Variants in WNT2B observed in about 807,000 individuals in gnomAD.
WNT2B encodes the protein protein Wnt-2b.
WNT2B carries 19 observed loss-of-function variants against 40.5 expected under a neutral mutation model. The observed-to-expected ratio is 0.47, with a 90% CI of 0.33 to 0.69. The LOEUF is 0.69. WNT2B is among the 30% of genes least tolerant of loss of function. The pLI is 0.02. For missense variants in WNT2B, 467 were observed against 556.4 expected, an observed-to-expected ratio of 0.84 and a Z score of 1.62; for synonymous variants, 220 against 211.9, an observed-to-expected ratio of 1.04 and a Z score of -0.33.
At chr1:112,469,078 A>T (rs924436039) in intron 1 of WNT2B, among the ~76,000 whole-genome samples, 9 of 152,078 alleles carry the variant, frequency 5.9e-5, no homozygotes, top group African/African-American at 1.9e-4. Flanking sequence ...TCCCCATTGT[A>T]TGTCCTTGGT....
chr1:112,507,729 G>T (rs1652158586), upstream of WNT2B, among the ~76,000 whole-genome samples: 1 of 152,224 alleles, frequency 6.6e-6, no homozygotes, highest in African/African-American at 2.4e-5. Flanking sequence ...GCAGTTACTA[G>T]TAAGTTGTTT....
chr1:112,477,790 T>A (rs74112726), intron 1 of WNT2B, among the ~76,000 whole-genome samples: 4,507 of 151,724 alleles, frequency 0.03, 225 homozygotes, highest in African/African-American at 0.1. Context: ...AAAATAATTT[T>A]AAAAAAAAAT....
In WNT2B at chr1:112,521,326, T is replaced by TTTTTTTTTTTTTTTTC. The variant is rs1652868582; in HGVS notation, c.*822_*823insTTTTTTTTTTCTTTTT. 6.6e-6 allele frequency: 1 copy of TTTTTTTTTTTTTTTTC among 150,982 alleles called. No homozygotes were observed. The highest frequency in any genetic ancestry group is 2.4e-5 in the African/African-American group (1 of 40,962). The allele number at this position is 150,982 out of a possible 1,614,324, so 9.4% of individuals were successfully genotyped here. A position where few individuals can be genotyped will look rare whatever the true frequency, so the allele number is the denominator to read the frequency against. ...CTTGTGTTGCCTTTTTTTTTTTTTT[T>TTTTTTTTTTTTTTTTC]TTTTTCTTTTCTTTTCTTCTCTTCC... On this transcript the variant is annotated 3_prime_UTR_variant, in exon 5 of 5. Transcript: ENST00000369684.
intron 1 of WNT2B, among the ~76,000 whole-genome samples, chr1:112,489,248 A>C (rs1015768870): frequency 5.3e-5 from 8 of 151,428 alleles, no homozygotes; most frequent in African/African-American, 1.7e-4. Context: ...TTAACATGAG[A>C]GTGTAAAAAA....
At chr1:112,502,933 GGGA>G (rs1425241810) in intron 1 of WNT2B, among the ~76,000 whole-genome samples, 7 of 152,150 alleles carry the variant, frequency 4.6e-5, no homozygotes, top group Admixed American at 4.6e-4. Context: ...GAGTGACAAA[GGGA>G]GGAGAACTTT....
chr1:112,471,746 A>C (rs997612474), intron 1 of WNT2B, among the ~76,000 whole-genome samples: 11 of 152,352 alleles, frequency 7.2e-5, no homozygotes, highest in Admixed American at 2.0e-4. Flanking sequence ...CTAAAAGTAA[A>C]GTGGGAAGCA....
At position 112,499,753 on chromosome 1, in the gene WNT2B, G is replaced by T. The variant is rs546068817; in HGVS notation, c.-94-15121G>T. On this transcript the variant is annotated intron_variant, in intron 1 of 4. Transcript: ENST00000256640. ...TGGAAACTCAGGTTGCTATGCAGGGGTGAAGGTATTTCATCAGAAAGAAAA... is the reference window on the plus strand; with the variant it reads ...TGGAAACTCAGGTTGCTATGCAGGGTTGAAGGTATTTCATCAGAAAGAAAA... Among the ~76,000 whole-genome samples the T allele has an allele frequency of 4.6e-5, 7 of 152,330 alleles. No individual in the cohort carries two copies. The South Asian group carries it at 1.4e-3, about 32-fold the overall frequency.
chr1:112,513,836 AAG>A (rs1652437500), intron 1 of WNT2B, among the ~76,000 whole-genome samples: 1 of 152,184 alleles, frequency 6.6e-6, no homozygotes, highest in Admixed American at 6.5e-5. Flanking sequence ...AAGGGAGAGA[AAG>A]AGAATGACAA....
At position 112,516,405 on chromosome 1, in the gene WNT2B, C is replaced by G; in HGVS notation, c.669C>G (p.Arg223=). Residue 223 remains arginine, a synonymous_variant, in exon 3 of 5, where the codon CGC becomes CGG. Transcript: ENST00000369684. Reference sequence around the variant, plus strand: ...CCCTCATGAACTTACATAATAACCGCTGTGGTCGCACGGTCAGTACTCATG... The same window carrying G: ...CCCTCATGAACTTACATAATAACCGGTGTGGTCGCACGGTCAGTACTCATG... ...ARALMNLHNN[R]CGRTAVRRFL... is the part of the protein sequence containing the mutation. 1 of 1,612,754 alleles carries G rather than the reference C, an allele frequency of 6.2e-7. No individual in the cohort carries two copies. The highest frequency in any genetic ancestry group is 8.5e-7 in the Non-Finnish European group (1 of 1,179,604).
At position 112,517,369 on chromosome 1, in the gene WNT2B, C is replaced by A. The variant is rs780726553; in HGVS notation, c.930C>A (p.Val310=). 32 of 1,606,286 alleles carry A rather than the reference C, an allele frequency of 2.0e-5. No homozygotes were observed. In the South Asian group the frequency reaches 3.5e-4, roughly 18 times the overall value. The part of the protein sequence containing the change: ...VYFDNSPDYC[V]LDKAAGSLGT... ...TTGACAACTCTCCAGATTACTGTGT[C>A]TTGGACAAGGCTGCAGGTGAGTAAG... The change falls in exon 4 of 5, where the codon GTC becomes GTA. Residue 310 remains valine (V), a synonymous_variant. Coordinates refer to ENST00000369684, the MANE Select transcript of WNT2B (RefSeq NM_024494.3).
chr1:112,526,978 G>A lies in WNT2B; in HGVS notation c.*6469G>A, dbSNP rs1653547211. ...GTCTCAATCCTGCAGAGAAACCCAT[G>A]AGATGAGGCAGACAGCAGATTTTCA... On this transcript the variant is annotated 3_prime_UTR_variant, in exon 5 of 5. Coordinates refer to ENST00000369684, the MANE Select transcript of WNT2B (RefSeq NM_024494.3). 1 of 152,200 alleles carries A rather than the reference G, an allele frequency of 6.6e-6. No homozygotes were observed. Among genetic ancestry groups the A allele is most frequent in the Non-Finnish European group, 1.5e-5 (1 of 68,048 alleles). 9.4% of individuals were successfully genotyped at this position (152,200 alleles called of 1,614,324 possible).
Position 112,516,267 on chromosome 1 carries a change from T to G in WNT2B, c.531T>G (p.His177Gln), listed in dbSNP as rs1347929221. The change falls in exon 3 of 5, where the codon CAT becomes CAG. Residue 177 changes from histidine (H) to glutamine (Q), a missense_variant. Coordinates refer to ENST00000369684, the MANE Select transcript of WNT2B (RefSeq NM_024494.3). ...SCDPYTRGRH[H>Q]DQRGDFDWGG... ...ACCCCTACACCCGTGGCCGACACCA[T>G]GACCAGCGTGGGGACTTTGACTGGG... 6.2e-7 allele frequency: 1 copy of G among 1,614,088 alleles called. No individual in the cohort carries two copies. Among genetic ancestry groups the G allele is most frequent in the Non-Finnish European group, 8.5e-7 (1 of 1,180,034 alleles).
intron 1 of WNT2B, among the ~76,000 whole-genome samples, chr1:112,510,062 C>T (rs926896368): frequency 4.6e-5 from 7 of 152,092 alleles, no homozygotes; most frequent in Non-Finnish European, 1.0e-4. Flanking sequence ...ACTTTGCCTC[C>T]CTCCCTTCTT....
intron 1 of WNT2B, among the ~76,000 whole-genome samples, chr1:112,470,016 A>G (rs1432788160): frequency 6.6e-6 from 1 of 152,202 alleles, no homozygotes; most frequent in Non-Finnish European, 1.5e-5. Context: ...TAGTTTACAC[A>G]CCACAATTAC....
intron 1 of WNT2B, among the ~76,000 whole-genome samples, chr1:112,514,010 T>C (rs761475740): frequency 9.2e-5 from 14 of 152,192 alleles, no homozygotes; most frequent in Non-Finnish European, 1.9e-4. Flanking sequence ...AGAGAAAATA[T>C]TGCCTTGAGA....
At chr1:112,467,371 C>T in exon 1 of WNT2B, 2 of 594,268 alleles carry the variant, frequency 3.4e-6, no homozygotes, top group Non-Finnish European at 6.1e-6. Flanking sequence ...TACCAAGAAG[C>T]TAATGAGGTT....
At chr1:112,488,557 T>A (rs1490754414) in intron 1 of WNT2B, among the ~76,000 whole-genome samples, 1 of 151,046 alleles carries the variant, frequency 6.6e-6, no homozygotes, top group East Asian at 1.9e-4. Flanking sequence ...CTTACTGTTT[T>A]TTTTTTTTTT....
chr1:112,477,243 G>A (rs1651080211), intron 1 of WNT2B, among the ~76,000 whole-genome samples: 1 of 152,194 alleles, frequency 6.6e-6, no homozygotes, highest in Admixed American at 6.5e-5. Context: ...CAGAGCCATT[G>A]GCCATGCTGA....
intron 2 of WNT2B, 128 bp from the exon 3 acceptor site, chr1:112,516,012 G>C (rs1570795694): frequency 8.2e-7 from 1 of 1,213,424 alleles, no homozygotes; most frequent in Non-Finnish European, 1.1e-6. Context: ...TTGAATAAAG[G>C]GGGTGTAGGG....
Sources: gnomAD v4.1 joint callset for allele counts (sites outside exome capture counted in the v4.1 genomes callset) on GRCh38, gnomAD v4.1.1 for gene constraint, MANE v1.5 for transcripts, NCBI Gene and HGNC (gene_info 2026-07-23, HGNC 2026-07-21) for gene names.